CIPC: variants seen among roughly 807,000 people sequenced by gnomAD.
CIPC encodes CLOCK-interacting pacemaker.
A neutral mutation model predicts 26.7 loss-of-function variants in CIPC; 12 were observed. That is an observed-to-expected ratio of 0.45 (90% confidence interval 0.29 to 0.73). CIPC has a LOEUF of 0.73. Ranked by LOEUF, CIPC falls within the 30% of genes least tolerant of loss-of-function variation. The pLI is 0.12. For missense variants in CIPC, 417 were observed against 486.5 expected, an observed-to-expected ratio of 0.86 and a Z score of 1.34; for synonymous variants, 170 against 189.8, an observed-to-expected ratio of 0.90 and a Z score of 0.86.
intron 1 of CIPC, among the ~76,000 whole-genome samples, chr14:77,102,360 C>T (rs1435439931): frequency 6.6e-6 from 1 of 152,096 alleles, no homozygotes; most frequent in Admixed American, 6.6e-5. Context: ...GAGCAAGACA[C>T]AGTCTCAGAA....
At chr14:77,112,880 T>TA (rs1179168766) in intron 3 of CIPC, among the ~76,000 whole-genome samples, 1 of 151,992 alleles carries the variant, frequency 6.6e-6, no homozygotes, top group Non-Finnish European at 1.5e-5. Flanking sequence ...CCAGCTAATT[T>TA]TTTGTATTTT....
Position 77,105,646 on chromosome 14 carries a change from G to T in CIPC, c.-52-11G>T. ...CCAGGCAGTGACTTCTTATATAATT[G>T]TTTTTCATAGGGCAGTCCAGATGAA... On this transcript the variant is annotated splice_polypyrimidine_tract_variant and intron_variant, in intron 1 of 3. Transcript: ENST00000361786. 2.6e-6 allele frequency: 4 copies of T among 1,546,224 alleles called. No individual in the cohort carries two copies. Among genetic ancestry groups the T allele is most frequent in the Non-Finnish European group, 3.5e-6 (4 of 1,142,572 alleles).
At chr14:77,105,509 A>T (rs576879206) in intron 1 of CIPC, 148 bp from the exon 2 acceptor site, 1 of 499,398 alleles carries the variant, frequency 2.0e-6, no homozygotes, top group South Asian at 3.8e-5. Context: ...TCTGTTTAGT[A>T]AACTTGAAGC....
intron 1 of CIPC, among the ~76,000 whole-genome samples, chr14:77,099,400 GA>G (rs55814757): frequency 0.41 from 62,531 of 151,738 alleles, 13,597 homozygotes; most frequent in East Asian, 0.65. Context: ...AAGGGAAGAT[GA>G]ATATTAGACA....
At chr14:77,101,128 A>C (rs944178836) in intron 1 of CIPC, among the ~76,000 whole-genome samples, 1 of 152,240 alleles carries the variant, frequency 6.6e-6, no homozygotes, top group Admixed American at 6.5e-5. Flanking sequence ...ACTCCTAGTC[A>C]GTGTGAGCAT....
At chr14:77,113,092 TA>T (rs1426862382) in intron 3 of CIPC, among the ~76,000 whole-genome samples, 1 of 152,220 alleles carries the variant, frequency 6.6e-6, no homozygotes, top group Admixed American at 6.5e-5. Flanking sequence ...CACTTTGGTG[TA>T]AAGTCACATT....
chr14:77,110,854 C>A (rs1204102345), intron 3 of CIPC, among the ~76,000 whole-genome samples: 3 of 152,162 alleles, frequency 2.0e-5, no homozygotes, highest in African/African-American at 7.2e-5. Context: ...ACTTTTCCCC[C>A]CTTAGGGTAA....
intron 3 of CIPC, 87 bp downstream of exon 3, chr14:77,110,068 C>A: frequency 7.4e-7 from 1 of 1,352,454 alleles, no homozygotes; most frequent in Non-Finnish European, 1.0e-6. Flanking sequence ...TATTCTCTGC[C>A]AAGGAGAGAT....
intron 2 of CIPC, among the ~76,000 whole-genome samples, chr14:77,109,023 CTG>C (rs563319754): frequency 8.0e-4 from 122 of 152,262 alleles, no homozygotes; most frequent in African/African-American, 2.8e-3. Flanking sequence ...TTGGAATCAG[CTG>C]TTTCTCCAAG....
In CIPC at chr14:77,109,942, G is replaced by C. The variant is rs368059102; in HGVS notation, c.267G>C (p.Leu89=). The change falls in exon 3 of 4, where the codon CTG becomes CTC. Residue 89 remains leucine, a synonymous_variant. Coordinates refer to ENST00000361786, the MANE Select transcript of CIPC (RefSeq NM_033426.3). The part of the protein sequence containing the change: ...SKTAKNAFPT[L]SPMVVMKNVL... ...CTGCAAAGAATGCCTTCCCTACCCT[G>C]TCTCCCATGGTCGTCATGAAGAATG... 7 of 1,614,190 alleles carry C rather than the reference G, an allele frequency of 4.3e-6. No individual in the cohort carries two copies. The African/African-American group carries it at 6.7e-5, about 15-fold the overall frequency.
At chr14:77,112,409 CAG>C (rs1886722200) in intron 3 of CIPC, among the ~76,000 whole-genome samples, 3 of 152,126 alleles carry the variant, frequency 2.0e-5, no homozygotes, top group Admixed American at 2.0e-4. Flanking sequence ...TAGAGTCAGA[CAG>C]AGGATGGAAT....
intron 1 of CIPC, among the ~76,000 whole-genome samples, chr14:77,099,633 A>G (rs543228134): frequency 1.8e-4 from 28 of 152,328 alleles, no homozygotes; most frequent in African/African-American, 6.7e-4. Flanking sequence ...CCAGGCACAC[A>G]TGTTATACAC....
Position 77,115,374 on chromosome 14 carries a change from C to A in CIPC, c.*1056C>A, listed in dbSNP as rs1165331105. ...CATCTTACCCATTTTCTTCACATCC[C>A]AAATTTTTATTTGTTCCATGTCATA... is the stretch of plus-strand genomic sequence containing the variant. On this transcript the variant is annotated 3_prime_UTR_variant, in exon 4 of 4. Coordinates refer to ENST00000361786, the MANE Select transcript of CIPC (RefSeq NM_033426.3). 2.6e-5 allele frequency: 4 copies of A among 152,136 alleles called. No homozygotes were observed. In the East Asian group the frequency reaches 7.7e-4, roughly 29 times the overall value. 9.4% of individuals were successfully genotyped at this position (152,136 alleles called of 1,614,324 possible).
In CIPC at chr14:77,115,079, CAT is replaced by C. The variant is rs1176169434; in HGVS notation, c.*763_*764del. On this transcript the variant is annotated 3_prime_UTR_variant, in exon 4 of 4. Transcript: ENST00000361786. ...TGACTTAGAAGCTGAAGAAAATAGA[CAT>C]AGCCGGCATATCTCATGGTCAGGAG... is the stretch of plus-strand genomic sequence containing the variant. 1 of 152,170 alleles carries C rather than the reference CAT, an allele frequency of 6.6e-6. No homozygotes were observed. Among genetic ancestry groups the C allele is most frequent in the Non-Finnish European group, 1.5e-5 (1 of 68,022 alleles). 9.4% of individuals were successfully genotyped at this position (152,170 alleles called of 1,614,324 possible).
intron 2 of CIPC, among the ~76,000 whole-genome samples, chr14:77,108,623 AGAGGTTGTGGT>A (rs1566805104): frequency 6.6e-6 from 1 of 151,956 alleles, no homozygotes; most frequent in Admixed American, 6.6e-5. Context: ...CCCGGGAGGC[AGAGGTTGTGGT>A]GAGCTAAGAT....
intron 1 of CIPC, among the ~76,000 whole-genome samples, chr14:77,103,236 A>G (rs764659554): frequency 6.6e-6 from 1 of 152,234 alleles, no homozygotes; most frequent in East Asian, 1.9e-4. Flanking sequence ...AGTATGCAAA[A>G]GTACGAGCAA....
At position 77,113,490 on chromosome 14, in the gene CIPC, G is replaced by A; in HGVS notation, c.372G>A (p.Gln124=). The A allele has an allele frequency of 6.2e-7, 1 of 1,614,160 alleles. No individual in the cohort carries two copies. The highest frequency in any genetic ancestry group is 8.5e-7 in the Non-Finnish European group (1 of 1,180,044). ...CCTCCTTTGAAGTGATCTCAGCACA[G>A]CCACAGCTCTTATTCCTTCATCCAC... ...VQPSFEVISA[Q]PQLLFLHPPV... is the part of the protein sequence containing the mutation. Residue 124 remains glutamine (Q), a synonymous_variant, in exon 4 of 4, where the codon CAG becomes CAA. Transcript: ENST00000361786.
At chr14:77,113,326 T>C (rs1444975276) in intron 3 of CIPC, 99 bp from the exon 4 acceptor site, 2 of 1,272,060 alleles carry the variant, frequency 1.6e-6, no homozygotes, top group African/African-American at 2.9e-5. Flanking sequence ...GAAATTGTTC[T>C]AAGCATTTGA....
At position 77,105,824 on chromosome 14, in the gene CIPC, A is replaced by G; in HGVS notation, c.116A>G (p.Asp39Gly). The part of the protein sequence containing the change: ...RQLGMAAAES[D>G]KDSGFSDGSS... ...CTTGGGATGGCTGCTGCTGAGTCAG[A>G]CAAGGACTCTGGCTTTTCAGGTTAA... The change falls in exon 2 of 4, where the codon GAC becomes GGC. Residue 39 changes from aspartate to glycine, a missense_variant. Coordinates refer to ENST00000361786, the MANE Select transcript of CIPC (RefSeq NM_033426.3). 6.2e-7 allele frequency: 1 copy of G among 1,614,176 alleles called. No individual in the cohort carries two copies. Among genetic ancestry groups the G allele is most frequent in the Non-Finnish European group, 8.5e-7 (1 of 1,180,016 alleles).
Sources: allele counts gnomAD v4.1 joint callset (sites outside exome capture counted in the v4.1 genomes callset), GRCh38; gene constraint gnomAD v4.1.1; transcripts MANE v1.5; gene names NCBI Gene and HGNC (gene_info 2026-07-23, HGNC 2026-07-21).